SMIM23: variants seen among roughly 807,000 people sequenced by gnomAD.
The protein encoded by SMIM23 is CTB-78H18.1.
SMIM23 carries 10 observed loss-of-function variants against 12.8 expected under a neutral mutation model. The ratio of observed to expected loss-of-function variants is 0.78; its 90% CI spans 0.48 to 1.32. SMIM23 has a LOEUF of 1.32. Ranked by LOEUF, SMIM23 falls within the 40% of genes most tolerant of loss-of-function variation. The probability of loss-of-function intolerance (pLI) is 0.00; values close to 1 mark genes in which losing one functional copy is unlikely to be tolerated. For synonymous variants in SMIM23, 78 were observed against 80.1 expected, an observed-to-expected ratio of 0.97 and a Z score of 0.14; for missense variants, 184 against 198.2, an observed-to-expected ratio of 0.93 and a Z score of 0.43.
the SMIM23 span, chr5:171,774,535 T>C: frequency 4.4e-6 from 2 of 456,034 alleles, no homozygotes; most frequent in Non-Finnish European, 4.4e-6. Context: ...ACGCCCCTTG[T>C]GGGTTTGAAG....
upstream of SMIM23, chr5:171,782,853 C>G (rs1275399824): frequency 6.6e-6 from 1 of 152,166 alleles, no homozygotes; most frequent in Non-Finnish European, 1.5e-5. Context: ...CCACTACCCA[C>G]AGAATTAATA....
the SMIM23 span, among the ~76,000 whole-genome samples, chr5:171,775,013 G>A: frequency 0.44 from 67,006 of 151,932 alleles, 14,945 homozygotes; most frequent in African/African-American, 0.51. Flanking sequence ...ACAGAGGCAG[G>A]ATTCTCAGCC....
At chr5:171,773,940 T>C in the SMIM23 span, 1 of 427,872 alleles carries the variant, frequency 2.3e-6, no homozygotes, top group Non-Finnish European at 4.6e-6. Flanking sequence ...GAGGTGGGGC[T>C]CATGCCAGGC....
chr5:171,777,522 C>T (rs1461018562), upstream of SMIM23, among the ~76,000 whole-genome samples: 1 of 152,314 alleles, frequency 6.6e-6, no homozygotes, highest in Non-Finnish European at 1.5e-5. Flanking sequence ...GTACATTTGC[C>T]CCTCAGCTGG....
upstream of SMIM23, among the ~76,000 whole-genome samples, chr5:171,784,506 A>G (rs1180623358): frequency 2.0e-5 from 3 of 146,938 alleles, no homozygotes; most frequent in East Asian, 6.0e-4. Context: ...CTCTGTCTCA[A>G]AAAAAAAAAG....
upstream of SMIM23, among the ~76,000 whole-genome samples, chr5:171,782,154 G>GT (rs1389353500): frequency 2.0e-5 from 3 of 152,234 alleles, no homozygotes; most frequent in African/African-American, 4.8e-5. Context: ...AACACTCACC[G>GT]TGAGGGTTTG....
At chr5:171,781,378 A>G (rs1223339253), upstream of SMIM23, among the ~76,000 whole-genome samples, 1 of 152,174 alleles carries the variant, frequency 6.6e-6, no homozygotes, top group African/African-American at 2.4e-5. Context: ...CATTTGCATA[A>G]TAAGATTAGG....
chr5:171,784,452 C>G (rs996486132), upstream of SMIM23, among the ~76,000 whole-genome samples: 1 of 151,962 alleles, frequency 6.6e-6, no homozygotes. Context: ...TTGCAGTGAG[C>G]CGAGATCGTG....
intron 3 of SMIM23, 123 bp downstream of exon 3, chr5:171,790,672 G>A: frequency 1.5e-6 from 2 of 1,375,224 alleles, no homozygotes; most frequent in Admixed American, 4.0e-5. Flanking sequence ...GGTGGGAACA[G>A]GTACTACGAG....
chr5:171,784,467 T>C (rs1009869725), upstream of SMIM23, among the ~76,000 whole-genome samples: 7 of 151,706 alleles, frequency 4.6e-5, no homozygotes, highest in Non-Finnish European at 8.8e-5. Context: ...ATCGTGCCAC[T>C]GCACTCCAGC....
At chr5:171,790,752 A>T in intron 3 of SMIM23, 43 bp from the exon 4 acceptor site, 1 of 1,533,758 alleles carries the variant, frequency 6.5e-7, no homozygotes, top group African/African-American at 1.4e-5. Flanking sequence ...GGAGGGTCCT[A>T]TCTGAGAAAG....
At chr5:171,774,220 G>C in the SMIM23 span, 1 of 361,174 alleles carries the variant, frequency 2.8e-6, no homozygotes, top group Non-Finnish European at 5.5e-6. Flanking sequence ...GGAGAGCAGG[G>C]ATCGATGGCA....
rs1049305209 is a variant in SMIM23, at chr5:171,790,797, G to T, written c.228G>T (p.Gly76=). The change falls in exon 4 of 4, where the codon GGG becomes GGT. Residue 76 remains glycine, a splice_region_variant and synonymous_variant. Transcript: ENST00000523047. ...CCACTTCTGTGTCTGCCTTCCAGGGGCTTGAATATCAGACCAACGAGCCCT... is the reference window on the plus strand; with the variant it reads ...CCACTTCTGTGTCTGCCTTCCAGGGTCTTGAATATCAGACCAACGAGCCCT... ...NYYQNLAVPQ[G]LEYQTNEPSE... 1.3e-6 allele frequency: 2 copies of T among 1,536,124 alleles called. No homozygotes were observed. The highest frequency in any genetic ancestry group is 3.9e-5 in the Admixed American group (2 of 51,000).
chr5:171,776,957 T>C, the SMIM23 span, among the ~76,000 whole-genome samples: 1 of 152,170 alleles, frequency 6.6e-6, no homozygotes, highest in Non-Finnish European at 1.5e-5. Flanking sequence ...TTGATTCATT[T>C]GTCTGCAGAC....
At chr5:171,787,159 A>G (rs542903685) in intron 1 of SMIM23, among the ~76,000 whole-genome samples, 1 of 151,882 alleles carries the variant, frequency 6.6e-6, no homozygotes, top group East Asian at 1.9e-4. Flanking sequence ...AGCTGGGACT[A>G]CAGGCGCCCG....
chr5:171,776,239 C>T, the SMIM23 span, among the ~76,000 whole-genome samples: 1 of 150,008 alleles, frequency 6.7e-6, no homozygotes, highest in South Asian at 2.2e-4. Context: ...CAGCGTGCAG[C>T]CCACGGTCTC....
intron 1 of SMIM23, among the ~76,000 whole-genome samples, chr5:171,788,678 A>G (rs1755863732): frequency 1.3e-5 from 2 of 152,238 alleles, no homozygotes; most frequent in Admixed American, 6.5e-5. Context: ...CTTAATAACT[A>G]CAGGCCCAAA....
the SMIM23 span, chr5:171,773,617 G>A: frequency 2.8e-6 from 1 of 355,390 alleles, no homozygotes; most frequent in Non-Finnish European, 5.5e-6. Flanking sequence ...AAGGCATTGT[G>A]ATGAGACAAC....
At chr5:171,783,255 G>C (rs551890176), upstream of SMIM23, among the ~76,000 whole-genome samples, 2 of 152,358 alleles carry the variant, frequency 1.3e-5, no homozygotes, top group Admixed American at 6.5e-5. Flanking sequence ...ATTCATAGGT[G>C]TGATGCAATT....
Sources: gnomAD v4.1 joint callset for allele counts (sites outside exome capture counted in the v4.1 genomes callset) on GRCh38, gnomAD v4.1.1 for gene constraint, MANE v1.5 for transcripts, NCBI Gene and HGNC (gene_info 2026-07-23, HGNC 2026-07-21) for gene names.